The following RASGRF2 variants were observed in gnomAD, a reference collection of about 807,000 sequenced individuals.
RASGRF2 encodes Ras protein specific guanine nucleotide releasing factor 2.
A neutral mutation model predicts 151.0 loss-of-function variants in RASGRF2; 76 were observed. The ratio of observed to expected loss-of-function variants is 0.50; its 90% CI spans 0.42 to 0.61. RASGRF2 has a LOEUF of 0.61. Ranked by LOEUF, RASGRF2 falls within the 20% of genes least tolerant of loss-of-function variation. The pLI is 0.00. For synonymous variants in RASGRF2, 504 were observed against 566.5 expected (o/e 0.89, Z 1.57); for missense variants, 1,148 against 1,564.6 (o/e 0.73, Z 4.49).
intron 1 of RASGRF2, among the ~76,000 whole-genome samples, chr5:80,983,985 A>T (rs1013420637): frequency 1.3e-5 from 2 of 152,208 alleles, no homozygotes; most frequent in African/African-American, 4.8e-5. Flanking sequence ...TCTATAATAT[A>T]GCATCCAAGT....
At chr5:81,149,870 A>G (rs529773141) in intron 17 of RASGRF2, among the ~76,000 whole-genome samples, 1 of 152,304 alleles carries the variant, frequency 6.6e-6, no homozygotes, top group East Asian at 1.9e-4. Context: ...GAAAACACCC[A>G]GGCTGCCTAC....
At chr5:81,070,723 G>A (rs1307339720) in intron 4 of RASGRF2, 142 bp downstream of exon 4, 1 of 646,906 alleles carries the variant, frequency 1.5e-6, no homozygotes, top group African/African-American at 1.8e-5. Flanking sequence ...CCTGCAGAGT[G>A]ATCCAGACAT....
chr5:81,109,131 A>G, intron 13 of RASGRF2, 53 bp downstream of exon 13: 1 of 1,572,840 alleles, frequency 6.4e-7, no homozygotes, highest in Non-Finnish European at 8.7e-7. Flanking sequence ...AATTGGCGGA[A>G]CATGTAAAAC....
chr5:80,995,203 C>A (rs1379438178), intron 1 of RASGRF2, among the ~76,000 whole-genome samples: 1 of 150,418 alleles, frequency 6.6e-6, no homozygotes, highest in African/African-American at 2.5e-5. Context: ...TTGCAGTGAG[C>A]CGAGATCGCG....
chr5:80,980,940 G>A (rs1249607128), intron 1 of RASGRF2, among the ~76,000 whole-genome samples: 4 of 152,064 alleles, frequency 2.6e-5, no homozygotes, highest in East Asian at 1.9e-4. Flanking sequence ...CCTGCCTGCC[G>A]GTTCTCAGAC....
At chr5:81,070,665 G>A in intron 4 of RASGRF2, 84 bp downstream of exon 4, 1 of 1,192,846 alleles carries the variant, frequency 8.4e-7, no homozygotes, top group Non-Finnish European at 1.2e-6. Flanking sequence ...CCCTGTGCGT[G>A]AGCCGGGAGC....
chr5:81,081,462 T>C (rs1486463143), intron 7 of RASGRF2, among the ~76,000 whole-genome samples: 8 of 152,184 alleles, frequency 5.3e-5, no homozygotes, highest in Admixed American at 5.2e-4. Flanking sequence ...GACTTTACCG[T>C]TAAGCGCCCA....
Position 81,207,264 on chromosome 5 carries a change from G to T in RASGRF2, c.2986G>T (p.Glu996Ter). ...CTTGCAGACTGACTGCATGAAGGCCGAATGCTTTGAGTCCTTGTCGGCCAT... is the reference window on the plus strand; with the variant it reads ...CTTGCAGACTGACTGCATGAAGGCCTAATGCTTTGAGTCCTTGTCGGCCAT... Reference protein sequence around the residue: ...IIQMTDCMKAECFESLSAMEL... With the variant: ...IIQMTDCMKA Residue 996 changes from glutamate to a stop codon, truncating the protein, a stop_gained, in exon 21 of 27, where the codon GAA becomes TAA. Coordinates refer to ENST00000265080, the MANE Select transcript of RASGRF2 (RefSeq NM_006909.3). LOFTEE classifies it high-confidence loss of function. The T allele has an allele frequency of 6.2e-7, 1 of 1,614,064 alleles. No homozygotes were observed.
chr5:81,101,675 C>G (rs971451567), intron 12 of RASGRF2, among the ~76,000 whole-genome samples: 8 of 152,004 alleles, frequency 5.3e-5, no homozygotes, highest in Non-Finnish European at 1.2e-4. Context: ...TCCATCCATC[C>G]ATCTCATGGA....
At chr5:81,099,424 A>G (rs547494911) in intron 12 of RASGRF2, among the ~76,000 whole-genome samples, 1 of 152,280 alleles carries the variant, frequency 6.6e-6, no homozygotes, top group South Asian at 2.1e-4. Context: ...ATTAATATAT[A>G]ATGAGGTGCT....
Position 81,086,843 on chromosome 5 carries a change from A to C in RASGRF2, c.1280A>C (p.His427Pro). 1 of 1,612,218 alleles carries C rather than the reference A, an allele frequency of 6.2e-7. No individual in the cohort carries two copies. Among genetic ancestry groups the C allele is most frequent in the Non-Finnish European group, 8.5e-7 (1 of 1,178,206 alleles). ...TCTGTGTTGTGTCACAGAGTAATGCACGATGAAGTCAGCGACACTGAAAAC... is the reference window on the plus strand; with the variant it reads ...TCTGTGTTGTGTCACAGAGTAATGCCCGATGAAGTCAGCGACACTGAAAAC... ...SKLEELSRVM[H>P]DEVSDTENIR... The change falls in exon 9 of 27, where the codon CAC (histidine) becomes CCC (proline). Residue 427 changes from histidine (H) to proline (P), a missense_variant. Coordinates refer to ENST00000265080, the MANE Select transcript of RASGRF2 (RefSeq NM_006909.3).
chr5:81,179,755 G>A (rs1398671750), intron 17 of RASGRF2, among the ~76,000 whole-genome samples: 1 of 152,180 alleles, frequency 6.6e-6, no homozygotes, highest in Non-Finnish European at 1.5e-5. Flanking sequence ...CATAAGCCAA[G>A]ATATGGCCTA....
At chr5:81,117,143 G>A (rs1410958404) in intron 15 of RASGRF2, among the ~76,000 whole-genome samples, 7 of 152,184 alleles carry the variant, frequency 4.6e-5, no homozygotes, top group African/African-American at 1.7e-4. Context: ...AAAGCTGCTT[G>A]AGCTACTGTC....
intron 17 of RASGRF2, among the ~76,000 whole-genome samples, chr5:81,156,613 G>C (rs1754265419): frequency 6.6e-6 from 1 of 152,064 alleles, no homozygotes; most frequent in Non-Finnish European, 1.5e-5. Flanking sequence ...TCTTAAAATA[G>C]ATAAAACATT....
intron 16 of RASGRF2, among the ~76,000 whole-genome samples, chr5:81,125,902 A>T (rs568542717): frequency 6.6e-6 from 1 of 152,376 alleles, no homozygotes; most frequent in African/African-American, 2.4e-5. Context: ...ACAGCATCAC[A>T]TATTTCTATC....
Position 81,225,926 on chromosome 5 carries a change from C to A in RASGRF2, c.*156C>A. The A allele has an allele frequency of 1.3e-6, 1 of 790,184 alleles. No homozygotes were observed. Among genetic ancestry groups the A allele is most frequent in the Non-Finnish European group, 1.8e-6 (1 of 548,820 alleles). 48.9% of individuals were successfully genotyped at this position (790,184 alleles called of 1,614,324 possible). ...CTGGAATTCTGTCTCCAGAGAGAAA[C>A]CCAGCTGTTTGGGTCAAAGACAGAT... On this transcript the variant is annotated 3_prime_UTR_variant, in exon 27 of 27. Transcript: ENST00000265080.
chr5:81,172,168 T>A (rs1414687522), intron 17 of RASGRF2, among the ~76,000 whole-genome samples: 1 of 152,180 alleles, frequency 6.6e-6, no homozygotes, highest in Non-Finnish European at 1.5e-5. Context: ...GGAATATGTT[T>A]TTATGGAATT....
Position 81,199,700 on chromosome 5 carries a change from C to T in RASGRF2, c.2794-1630C>T, listed in dbSNP as rs374405689. Among the ~76,000 whole-genome samples, 7 of 152,148 alleles carry T rather than the reference C, an allele frequency of 4.6e-5. No individual in the cohort carries two copies. The South Asian group carries it at 1.0e-3, about 23-fold the overall frequency. On this transcript the variant is annotated intron_variant, in intron 18 of 26. Transcript: ENST00000265080. ...GTTACTTGAGGTTAGGAGTTTGAGA[C>T]CAGCCTGGCCAACATGGTGAAACCC...
chr5:81,138,063 A>G (rs1753797591), intron 17 of RASGRF2, among the ~76,000 whole-genome samples: 1 of 65,172 alleles, frequency 1.5e-5, no homozygotes, highest in Admixed American at 1.4e-4. Flanking sequence ...TCCCTTCACA[A>G]CTTGGGGCTC....
Sources: gnomAD v4.1 joint callset for allele counts (sites outside exome capture counted in the v4.1 genomes callset) on GRCh38, gnomAD v4.1.1 for gene constraint, MANE v1.5 for transcripts, NCBI Gene and HGNC (gene_info 2026-07-23, HGNC 2026-07-21) for gene names.